CEP112: variants seen among roughly 807,000 people sequenced by gnomAD.
The protein encoded by CEP112 is centrosomal protein of 112 kDa.
A neutral mutation model predicts 153.0 loss-of-function variants in CEP112; 127 were observed. The ratio of observed to expected loss-of-function variants is 0.83; its 90% CI spans 0.72 to 0.96. The LOEUF (loss-of-function observed/expected upper bound fraction) is 0.96, where lower values mean the gene tolerates loss of function less well. Ranked by LOEUF, CEP112 falls within the 40% of genes least tolerant of loss-of-function variation. The pLI, the probability that CEP112 is intolerant of heterozygous loss-of-function variation, is 0.00. For synonymous variants in CEP112, 358 were observed against 374.4 expected (o/e 0.96, Z 0.51); for missense variants, 1,089 against 1,101.2 (o/e 0.99, Z 0.16).
intron 24 of CEP112, among the ~76,000 whole-genome samples, chr17:65,680,209 G>A (rs2047447343): frequency 6.6e-6 from 1 of 152,146 alleles, no homozygotes; most frequent in Admixed American, 6.5e-5. Context: ...CTGAGGAATA[G>A]CTGAGGGCCC....
chr17:65,700,738 T>C (rs1462312552), intron 23 of CEP112, among the ~76,000 whole-genome samples: 1 of 152,090 alleles, frequency 6.6e-6, no homozygotes, highest in Non-Finnish European at 1.5e-5. Context: ...CAATACAGGA[T>C]GAACATTCAG....
At chr17:66,107,541 A>C (rs1276445890) in intron 6 of CEP112, among the ~76,000 whole-genome samples, 1 of 152,150 alleles carries the variant, frequency 6.6e-6, no homozygotes, top group Non-Finnish European at 1.5e-5. Context: ...AATTCCATTT[A>C]CAATAGATAC....
At chr17:65,971,907 T>G (rs533718414) in intron 17 of CEP112, among the ~76,000 whole-genome samples, 1 of 152,334 alleles carries the variant, frequency 6.6e-6, no homozygotes, top group East Asian at 1.9e-4. Flanking sequence ...CAAAGACTTA[T>G]TGAAATGCAG....
chr17:65,767,330 G>A (rs780351323), intron 21 of CEP112, among the ~76,000 whole-genome samples: 6 of 151,996 alleles, frequency 3.9e-5, no homozygotes, highest in Non-Finnish European at 8.8e-5. Context: ...AAACGATCTT[G>A]AGACAAATGA....
At chr17:66,157,348 A>C (rs1298366164) in intron 4 of CEP112, among the ~76,000 whole-genome samples, 2 of 152,240 alleles carry the variant, frequency 1.3e-5, no homozygotes, top group Non-Finnish European at 2.9e-5. Flanking sequence ...TGTCACCACC[A>C]GGCCTGCCTT....
intron 22 of CEP112, among the ~76,000 whole-genome samples, chr17:65,745,527 T>G (rs9652864): frequency 6.6e-6 from 1 of 152,072 alleles, no homozygotes. Context: ...TAATATGAAA[T>G]TTAAGATTGA....
At chr17:65,678,280 T>C (rs1348940331) in intron 24 of CEP112, among the ~76,000 whole-genome samples, 1 of 152,140 alleles carries the variant, frequency 6.6e-6, no homozygotes, top group Non-Finnish European at 1.5e-5. Context: ...ACATATATAT[T>C]CCTTTCTATC....
intron 18 of CEP112, among the ~76,000 whole-genome samples, chr17:65,938,429 AAAAG>A (rs1417578239): frequency 6.8e-6 from 1 of 146,384 alleles, no homozygotes; most frequent in East Asian, 2.0e-4. Context: ...AAAAAAAAAA[AAAAG>A]AAAGAAAAAA....
intron 18 of CEP112, among the ~76,000 whole-genome samples, chr17:65,953,874 C>A (rs1273431687): frequency 6.6e-6 from 1 of 152,132 alleles, no homozygotes; most frequent in Non-Finnish European, 1.5e-5. Context: ...CTCTGCCTAC[C>A]CTGGTATCAG....
At chr17:65,675,711 A>T (rs938091257) in intron 24 of CEP112, among the ~76,000 whole-genome samples, 1 of 151,912 alleles carries the variant, frequency 6.6e-6, no homozygotes, top group Non-Finnish European at 1.5e-5. Context: ...ACCAAAATCC[A>T]TCTACAGGTT....
intron 24 of CEP112, among the ~76,000 whole-genome samples, chr17:65,668,685 C>A (rs1476432712): frequency 2.0e-5 from 3 of 152,160 alleles, no homozygotes; most frequent in Non-Finnish European, 4.4e-5. Context: ...TGGGATGGAA[C>A]AAGAAGTGTT....
intron 17 of CEP112, among the ~76,000 whole-genome samples, chr17:65,971,949 G>A (rs554880568): frequency 1.3e-5 from 2 of 152,230 alleles, no homozygotes; most frequent in South Asian, 4.1e-4. Flanking sequence ...ATTACATTTC[G>A]AGATTTCAAT....
intron 24 of CEP112, among the ~76,000 whole-genome samples, chr17:65,657,545 G>A (rs1025744734): frequency 1.3e-5 from 2 of 152,144 alleles, no homozygotes; most frequent in Non-Finnish European, 2.9e-5. Context: ...AAAGCGTTTG[G>A]GGAAAACCTG....
chr17:65,702,251 GTCC>G (rs1348051404), intron 23 of CEP112, among the ~76,000 whole-genome samples: 1 of 152,100 alleles, frequency 6.6e-6, no homozygotes, highest in East Asian at 1.9e-4. Context: ...TCCCAGTTGT[GTCC>G]TCCTGCATCC....
intron 17 of CEP112, among the ~76,000 whole-genome samples, chr17:65,978,256 T>TAAAGAAA (rs2063107635): frequency 6.6e-6 from 1 of 151,186 alleles, no homozygotes; most frequent in Non-Finnish European, 1.5e-5. Flanking sequence ...ATCCTATCTC[T>TAAAGAAA]AAAAGAAAAT....
At chr17:66,050,613 G>C (rs1004264091) in intron 12 of CEP112, among the ~76,000 whole-genome samples, 5 of 152,096 alleles carry the variant, frequency 3.3e-5, no homozygotes, top group African/African-American at 1.2e-4. Flanking sequence ...AAATTACAAA[G>C]AAGAGTATAA....
intron 23 of CEP112, among the ~76,000 whole-genome samples, chr17:65,739,278 C>T (rs545818738): frequency 1.3e-5 from 2 of 152,302 alleles, no homozygotes; most frequent in South Asian, 4.1e-4. Flanking sequence ...GAATTATGGG[C>T]AGATAGATGT....
At chr17:65,951,248 A>C in intron 18 of CEP112, among the ~76,000 whole-genome samples, 1 of 152,192 alleles carries the variant, frequency 6.6e-6, no homozygotes, top group East Asian at 1.9e-4. Context: ...GGCCTCACAG[A>C]ATTAACTGAG....
intron 17 of CEP112, among the ~76,000 whole-genome samples, chr17:65,988,198 AGG>A (rs1003261687): frequency 2.0e-5 from 3 of 152,214 alleles, no homozygotes; most frequent in Non-Finnish European, 4.4e-5. Context: ...CCTGGGCTTA[AGG>A]TGCCATCTAG....
Sources: gnomAD v4.1 joint callset for allele counts (sites outside exome capture counted in the v4.1 genomes callset) on GRCh38, gnomAD v4.1.1 for gene constraint, MANE v1.5 for transcripts, NCBI Gene and HGNC (gene_info 2026-07-23, HGNC 2026-07-21) for gene names.